AR: variants seen among roughly 807,000 people sequenced by gnomAD.
The protein encoded by AR is dihydrotestosterone receptor.
In AR, 8 loss-of-function variants were observed where a neutral mutation model predicts 53.9. The observed-to-expected ratio is 0.15, with a 90% CI of 0.09 to 0.27. The LOEUF is 0.27. Ranked by LOEUF, AR falls within the 10% of genes least tolerant of loss-of-function variation. The pLI is 1.00. For synonymous variants in AR, 359 were observed against 316.4 expected (o/e 1.13, Z -1.43); for missense variants, 639 against 742.5 (o/e 0.86, Z 1.62).
intron 1 of AR, among the ~76,000 whole-genome samples, chrX:67,593,378 CAG>C (rs1922926261): frequency 9.9e-6 from 1 of 101,144 alleles, no homozygotes; most frequent in Admixed American, 1.1e-4. Context: ...TTTTTTGAGA[CAG>C]AGTCTTGCTC....
intron 1 of AR, among the ~76,000 whole-genome samples, chrX:67,607,312 G>A (rs1278697551): frequency 8.9e-6 from 1 of 111,745 alleles, no homozygotes; most frequent in Non-Finnish European, 1.9e-5. Context: ...ACGGGCATGA[G>A]CCACCGCGCC....
intron 1 of AR, among the ~76,000 whole-genome samples, chrX:67,599,341 G>A (rs112943679): frequency 1.4e-3 from 156 of 112,143 alleles, no homozygotes; most frequent in African/African-American, 4.7e-3. Flanking sequence ...TCATGGCGTA[G>A]TGAGTTCACT....
chrX:67,715,312 C>A (rs2076108732), intron 4 of AR, among the ~76,000 whole-genome samples: 1 of 110,088 alleles, frequency 9.1e-6, no homozygotes, highest in South Asian at 3.9e-4. Context: ...GGGTTCCAAG[C>A]AGGAACTACT....
chrX:67,654,291 T>G (rs779505954), intron 2 of AR, among the ~76,000 whole-genome samples: 21 of 111,558 alleles, frequency 1.9e-4, no homozygotes, highest in Admixed American at 1.7e-3. Context: ...GCAGCGTCCC[T>G]GGGTAGGCCG....
intron 3 of AR, chrX:67,694,810 G>A: frequency 1.8e-6 from 2 of 1,121,531 alleles, no homozygotes; most frequent in Non-Finnish European, 2.3e-6. Context: ...AGGCTTAGGA[G>A]CTTAGGTTTT....
chrX:67,653,361 G>T (rs1330584686), intron 2 of AR, among the ~76,000 whole-genome samples: 1 of 111,677 alleles, frequency 9.0e-6, no homozygotes, highest in African/African-American at 3.3e-5. Context: ...CTAAAAGTAG[G>T]TACATAATCC....
At chrX:67,641,530 G>A (rs898545461) in intron 1 of AR, among the ~76,000 whole-genome samples, 3 of 111,942 alleles carry the variant, frequency 2.7e-5, no homozygotes, top group South Asian at 3.7e-4. Flanking sequence ...AATGATCTTA[G>A]CATTTAGCTG....
intron 1 of AR, among the ~76,000 whole-genome samples, chrX:67,633,773 C>T (rs998673218): frequency 1.8e-5 from 2 of 111,487 alleles, no homozygotes; most frequent in Non-Finnish European, 3.8e-5. Flanking sequence ...CATGGATGAA[C>T]CTTGAAAACA....
intron 2 of AR, among the ~76,000 whole-genome samples, chrX:67,679,819 A>G (rs2075922456): frequency 8.9e-6 from 1 of 111,779 alleles, no homozygotes; most frequent in Non-Finnish European, 1.9e-5. Context: ...TTGGTTTTAC[A>G]TACTTGATGC....
At chrX:67,594,870 G>A (rs1923007254) in intron 1 of AR, among the ~76,000 whole-genome samples, 1 of 111,597 alleles carries the variant, frequency 9.0e-6, no homozygotes, top group African/African-American at 3.3e-5. Flanking sequence ...GATCACTTGA[G>A]CCCAGGAGGT....
chrX:67,551,011 T>G (rs900246766), intron 1 of AR, among the ~76,000 whole-genome samples: 1 of 103,690 alleles, frequency 9.6e-6, no homozygotes, highest in Non-Finnish European at 2.0e-5. Context: ...GTTTTTTTTT[T>G]TTTTTTTTTT....
At chrX:67,560,175 G>GA (rs753068684) in intron 1 of AR, among the ~76,000 whole-genome samples, 1 of 111,393 alleles carries the variant, frequency 9.0e-6, no homozygotes, top group South Asian at 3.8e-4. Context: ...TCCCAATTCA[G>GA]AGTTCCCCAT....
At chrX:67,562,376 G>GTGTGTGTGTGTGTGTGTC (rs1555971662) in intron 1 of AR, among the ~76,000 whole-genome samples, 2 of 109,295 alleles carry the variant, frequency 1.8e-5, no homozygotes, top group African/African-American at 6.7e-5. Context: ...GTGTGTGTGT[G>GTGTGTGTGTGTGTGTGTC]TGTGTGTGTG....
At chrX:67,710,619 C>G (rs1313541970) in intron 3 of AR, among the ~76,000 whole-genome samples, 1 of 111,876 alleles carries the variant, frequency 8.9e-6, no homozygotes, top group Non-Finnish European at 1.9e-5. Flanking sequence ...AGGCATGAAC[C>G]ACCTTACCCA....
chrX:67,721,852 C>T lies in AR; in HGVS notation c.2338C>T (p.Arg780Trp), dbSNP rs2076137289. The change falls in exon 6 of 8, where the codon CGG becomes TGG. Residue 780 changes from arginine (R) to tryptophan (W), a missense_variant. This residue lies in a region of AR where 95 missense variants were observed against 196.4 expected (regional missense o/e 0.48). Transcript: ENST00000374690. Reference sequence around the variant, plus strand: ...TCCCAGGTACCGCATGCACAAGTCCCGGATGTACAGCCAGTGTGTCCGAAT... The same window carrying T: ...TCCCAGGTACCGCATGCACAAGTCCTGGATGTACAGCCAGTGTGTCCGAAT... ...VFNEYRMHKS[R>W]MYSQCVRMRH... is the part of the protein sequence containing the mutation. 1 of 1,210,692 alleles carries T rather than the reference C, an allele frequency of 8.3e-7. No individual in the cohort carries two copies. The highest frequency in any genetic ancestry group is 1.1e-6 in the Non-Finnish European group (1 of 895,178).
At chrX:67,677,812 T>TCA (rs2147486675) in intron 2 of AR, among the ~76,000 whole-genome samples, 1 of 111,425 alleles carries the variant, frequency 9.0e-6, no homozygotes, top group African/African-American at 3.3e-5. Context: ...AAAATGAGAT[T>TCA]GTTGGATTAG....
intron 1 of AR, among the ~76,000 whole-genome samples, chrX:67,597,385 A>G (rs1350163189): frequency 1.8e-5 from 2 of 111,765 alleles, no homozygotes. Context: ...ACAAGATCCC[A>G]TGGTCCTGTT....
At position 67,545,719 on chromosome X, in the gene AR, G is replaced by GC; in HGVS notation, c.574dup (p.Gln192ProfsTer43). 1 of 1,210,842 alleles carries GC rather than the reference G, an allele frequency of 8.3e-7. No individual in the cohort carries two copies. Among genetic ancestry groups the GC allele is most frequent in the Non-Finnish European group, 1.1e-6 (1 of 894,962 alleles). ...ACATCCTGAGCGAGGCCAGCACCAT[G>GC]CAACTCCTTCAGCAACAGCAGCAGG... is the stretch of plus-strand genomic sequence containing the variant. On this transcript the variant is annotated frameshift_variant, in exon 1 of 8. Coordinates refer to ENST00000374690, the MANE Select transcript of AR (RefSeq NM_000044.6). LOFTEE classifies it high-confidence loss of function.
At chrX:67,655,366 C>G (rs1263294087) in intron 2 of AR, among the ~76,000 whole-genome samples, 1 of 111,370 alleles carries the variant, frequency 9.0e-6, no homozygotes, top group African/African-American at 3.3e-5. Context: ...CTTCTGCCAT[C>G]CCACCTGTGT....
Sources: gnomAD v4.1 joint callset for allele counts (sites outside exome capture counted in the v4.1 genomes callset) on GRCh38, gnomAD v4.1.1 for gene constraint, gnomAD v4.1.1 regional missense constraint, MANE v1.5 for transcripts, NCBI Gene and HGNC (gene_info 2026-07-23, HGNC 2026-07-21) for gene names.